Variants in KIF15 observed in about 807,000 individuals in gnomAD.
KIF15 encodes the protein kinesin family member 15, also known as kinesin-like protein KIF15.
Under a neutral mutation model 190.6 loss-of-function variants are expected in KIF15, and 140 were observed. The ratio of observed to expected loss-of-function variants is 0.73; its 90% CI spans 0.64 to 0.84. KIF15 has a LOEUF of 0.84. Ranked by LOEUF, KIF15 falls within the 40% of genes least tolerant of loss-of-function variation. The pLI, the probability that KIF15 is intolerant of heterozygous loss-of-function variation, is 0.00. For synonymous variants in KIF15, 528 were observed against 551.3 expected, an observed-to-expected ratio of 0.96 and a Z score of 0.59; for missense variants, 1,372 against 1,584.4, an observed-to-expected ratio of 0.87 and a Z score of 2.28.
At chr3:44,856,537 T>G (rs561576989), downstream of KIF15, among the ~76,000 whole-genome samples, 685 of 152,232 alleles carry the variant, frequency 4.5e-3, 11 homozygotes, top group African/African-American at 0.015. Context: ...ACCATTTGCC[T>G]TGTGTGGGGA....
intron 4 of KIF15, 131 bp downstream of exon 4, chr3:44,778,322 A>G: frequency 1.3e-6 from 1 of 741,730 alleles, no homozygotes; most frequent in Non-Finnish European, 2.4e-6. Context: ...CTGTAAGTGA[A>G]AAGTTCAACA....
intron 30 of KIF15, among the ~76,000 whole-genome samples, chr3:44,846,009 C>A (rs1422173165): frequency 6.6e-6 from 1 of 152,242 alleles, no homozygotes; most frequent in Non-Finnish European, 1.5e-5. Flanking sequence ...GCATACCCTG[C>A]AATTGCAATC....
chr3:44,861,211 G>A (rs555895209), intron 6 of KIF15, among the ~76,000 whole-genome samples: 1 of 151,156 alleles, frequency 6.6e-6, no homozygotes, highest in East Asian at 1.9e-4. Flanking sequence ...GGCTGGTCTC[G>A]AACTCCCGAC....
At position 44,821,086 on chromosome 3, in the gene KIF15, C is replaced by T. The variant is rs540712977; in HGVS notation, c.2550-4953C>T. Among the ~76,000 whole-genome samples the T allele has an allele frequency of 5.5e-5, 8 of 146,434 alleles. No individual in the cohort carries two copies. In the South Asian group the frequency reaches 1.7e-3, roughly 31 times the overall value. Reference sequence around the variant, plus strand: ...GGCAGGCCGGGTGGCGGGCTGACCCCCCCCACCTCCCTCCCGGACCGGGCG... The same window carrying T: ...GGCAGGCCGGGTGGCGGGCTGACCCTCCCCACCTCCCTCCCGGACCGGGCG... On this transcript the variant is annotated intron_variant, in intron 20 of 34. Transcript: ENST00000326047.
At chr3:44,767,720 C>T (rs1185565209) in intron 1 of KIF15, among the ~76,000 whole-genome samples, 1 of 147,060 alleles carries the variant, frequency 6.8e-6, no homozygotes, top group Non-Finnish European at 1.5e-5. Context: ...AAAGTGAAAC[C>T]CCGTCTCCAC....
intron 4 of KIF15, 140 bp downstream of exon 4, chr3:44,778,331 C>T: frequency 1.4e-6 from 1 of 707,402 alleles, no homozygotes; most frequent in Non-Finnish European, 2.5e-6. Flanking sequence ...AAAAGTTCAA[C>T]ATGGGTCTCT....
chr3:44,836,238 C>G (rs1698313680), intron 26 of KIF15, among the ~76,000 whole-genome samples: 1 of 151,996 alleles, frequency 6.6e-6, no homozygotes, highest in Non-Finnish European at 1.5e-5. Context: ...CACCTGTAAT[C>G]CCAACTACTC....
intron 25 of KIF15, 107 bp downstream of exon 25, chr3:44,830,182 A>G: frequency 4.1e-6 from 2 of 484,198 alleles, no homozygotes; most frequent in East Asian, 7.8e-5. Flanking sequence ...GTGGTCAAAT[A>G]AGTTTGGAAA....
rs915069365 is a variant in KIF15, at chr3:44,865,398, T to C, written c.*60-7931T>C. ...TGTTTTGATCATCTGTACAGTGCTT[T>C]GGATTCTTCCTCCCAGGCCTACCCC... On this transcript the variant is annotated intron_variant and NMD_transcript_variant, in intron 6 of 6. Coordinates refer to the KIF15 transcript ENST00000422209. 6.9e-6 allele frequency: 4 copies of C among 581,828 alleles called. No homozygotes were observed. In the Admixed American group the frequency reaches 1.2e-4, roughly 18 times the overall value. 36.0% of individuals were successfully genotyped at this position (581,828 alleles called of 1,614,324 possible).
downstream of KIF15, among the ~76,000 whole-genome samples, chr3:44,855,371 A>G (rs537458810): frequency 1.9e-3 from 291 of 152,350 alleles, no homozygotes; most frequent in African/African-American, 6.4e-3. Context: ...AATGTCATCA[A>G]TTAAGGCTAT....
chr3:44,856,753 G>A (rs1398533466), downstream of KIF15, among the ~76,000 whole-genome samples: 6 of 152,260 alleles, frequency 3.9e-5, no homozygotes, highest in East Asian at 1.9e-4. Flanking sequence ...GAAGTAAAGC[G>A]GCCTTGAGAA....
At chr3:44,806,814 C>T (rs1707523763) in intron 16 of KIF15, among the ~76,000 whole-genome samples, 1 of 151,934 alleles carries the variant, frequency 6.6e-6, no homozygotes, top group African/African-American at 2.4e-5. Context: ...GGTGCAATCT[C>T]AGCTCACTGC....
chr3:44,815,045 A>G lies in KIF15; in HGVS notation c.2518A>G (p.Met840Val), dbSNP rs555665907. 1.0e-4 allele frequency: 164 copies of G among 1,604,080 alleles called. 1 individual carries two copies. In the South Asian group the frequency reaches 1.7e-3, roughly 17 times the overall value. ...KEFNKLSERH[M>V]HVQLQLDNLR... ...ATTCAACAAACTTTCCGAAAGACACATGCATGTACAGCTTCAATTAGATAA... is the reference window on the plus strand; with the variant it reads ...ATTCAACAAACTTTCCGAAAGACACGTGCATGTACAGCTTCAATTAGATAA... Residue 840 changes from methionine (M) to valine (V), a missense_variant, in exon 20 of 35, where the codon ATG becomes GTG. Coordinates refer to ENST00000326047, the MANE Select transcript of KIF15 (RefSeq NM_020242.3).
chr3:44,846,819 C>T (rs1698870314), intron 30 of KIF15, among the ~76,000 whole-genome samples: 1 of 151,122 alleles, frequency 6.6e-6, no homozygotes, highest in Non-Finnish European at 1.5e-5. Flanking sequence ...CCTCACATTC[C>T]TTATATATAA....
At chr3:44,858,530 G>C (rs372654659) in intron 6 of KIF15, among the ~76,000 whole-genome samples, 2 of 152,070 alleles carry the variant, frequency 1.3e-5, no homozygotes, top group African/African-American at 4.8e-5. Flanking sequence ...GGTTAAGGTG[G>C]GGGGGATACG....
chr3:44,784,860 A>G lies in KIF15; in HGVS notation c.377A>G (p.Asp126Gly). The change falls in exon 6 of 35, where the codon GAT (aspartate) becomes GGT (glycine). Residue 126 changes from aspartate to glycine, a missense_variant. Physicochemically the swap from Asp to Gly is moderately conservative, Grantham distance 94. Transcript: ENST00000326047. ...ATTTTTTTAGGACCATCTGAATCTG[A>G]TAATTTTTCTCATAACCTGAGAGGA... ...TFTMMGPSES[D>G]NFSHNLRGVI... 2 of 1,538,766 alleles carry G rather than the reference A, an allele frequency of 1.3e-6. No individual in the cohort carries two copies. Among genetic ancestry groups the G allele is most frequent in the Non-Finnish European group, 1.8e-6 (2 of 1,127,064 alleles).
In KIF15 at chr3:44,803,060, T is replaced by C. The variant is rs1457512037; in HGVS notation, c.1687+69T>C. On this transcript the variant is annotated intron_variant, in intron 14 of 34. Transcript: ENST00000326047. Reference sequence around the variant, plus strand: ...TGTTTTAAAGAGCATTTTTAGTGCCTTGTGACTAGGGTCTTCATTTTAGCC... The same window carrying C: ...TGTTTTAAAGAGCATTTTTAGTGCCCTGTGACTAGGGTCTTCATTTTAGCC... 24 of 1,407,632 alleles carry C rather than the reference T, an allele frequency of 1.7e-5. No individual in the cohort carries two copies. The East Asian group carries it at 5.7e-4, about 33-fold the overall frequency. 87.2% of individuals were successfully genotyped at this position (1,407,632 alleles called of 1,614,324 possible). A position where few individuals can be genotyped will look rare whatever the true frequency, so the allele number is the denominator to read the frequency against.
At chr3:44,825,266 A>G (rs1236664691) in intron 20 of KIF15, among the ~76,000 whole-genome samples, 1 of 152,238 alleles carries the variant, frequency 6.6e-6, no homozygotes, top group African/African-American at 2.4e-5. Flanking sequence ...TATGCCATAA[A>G]TACATAAATA....
chr3:44,799,861 C>G (rs1302532035), intron 10 of KIF15, among the ~76,000 whole-genome samples: 3 of 151,934 alleles, frequency 2.0e-5, no homozygotes, highest in Non-Finnish European at 4.4e-5. Flanking sequence ...TTGCTTCTGC[C>G]AAGCTCAAGC....
Sources: allele counts gnomAD v4.1 joint callset (sites outside exome capture counted in the v4.1 genomes callset), GRCh38; gene constraint gnomAD v4.1.1; transcripts MANE v1.5; gene names NCBI Gene and HGNC (gene_info 2026-07-23, HGNC 2026-07-21).